The following INPP5B variants were observed in gnomAD, a reference collection of about 807,000 sequenced individuals.
The protein encoded by INPP5B is type II inositol 1,4,5-trisphosphate 5-phosphatase.
A neutral mutation model predicts 118.5 loss-of-function variants in INPP5B; 90 were observed. The ratio of observed to expected loss-of-function variants is 0.76; its 90% CI spans 0.64 to 0.90. INPP5B has a LOEUF of 0.90. Ranked by LOEUF, INPP5B falls within the 40% of genes least tolerant of loss-of-function variation. The pLI is 0.00. For synonymous variants in INPP5B, 385 were observed against 418.9 expected, an observed-to-expected ratio of 0.92 and a Z score of 0.99; for missense variants, 984 against 1,125.6, an observed-to-expected ratio of 0.87 and a Z score of 1.80.
rs773743226 is a variant in INPP5B, at chr1:37,889,568, G to A, written c.786C>T (p.Ile262=). The stretch of plus-strand genomic sequence containing the variant: ...ACCCAGTTAGCTACCTGAAGTTCTG[G>A]ATATAGGTGTAATCCTCTTCTTTCT... ...LLQKEEDYTY[I]QNFRFFAGTY... The change falls in exon 9 of 24, where the codon ATC becomes ATT. Residue 262 remains isoleucine (I), a synonymous_variant. Transcript: ENST00000373024. 5.0e-6 allele frequency: 8 copies of A among 1,612,398 alleles called. No homozygotes were observed. Among genetic ancestry groups the A allele is most frequent in the East Asian group, 2.2e-5 (1 of 44,846 alleles).
intron 21 of INPP5B, 51 bp downstream of exon 21, chr1:37,866,398 TCTCTCTCTCA>T (rs1362459681): frequency 1.1e-5 from 8 of 724,282 alleles, no homozygotes; most frequent in African/African-American, 4.6e-5. Flanking sequence ...TCTCTCTCTC[TCTCTCTCTCA>T]CACACACACA....
At chr1:37,879,495 A>G (rs1643062684) in intron 15 of INPP5B, among the ~76,000 whole-genome samples, 1 of 152,022 alleles carries the variant, frequency 6.6e-6, no homozygotes, top group Admixed American at 6.6e-5. Flanking sequence ...GCACATGGTA[A>G]GCACTAATAA....
At position 37,893,085 on chromosome 1, in the gene INPP5B, C is replaced by CTTTT. The variant is rs71053999; in HGVS notation, c.533-1635_533-1632dup. 8.0e-4 allele frequency among the ~76,000 whole-genome samples: 65 copies of CTTTT among 81,416 alleles called. 1 individual carries two copies. The highest frequency in any genetic ancestry group is 3.0e-3 in the African/African-American group (50 of 16,738). The allele number at this position is 81,416 out of a possible 152,430, so 53.4% of individuals were successfully genotyped here. On this transcript the variant is annotated intron_variant, in intron 7 of 23. Transcript: ENST00000373024. ...TATGTTTTTTTATTATTTTCTTTTT[C>CTTTT]TTTTTTTTTTTTTTTTTTTTTTTTT...
rs1260112305 is a variant in INPP5B at position 37,878,176 on chromosome 1, G to C, written c.1677+12C>G. 1 of 1,613,726 alleles carries C rather than the reference G, an allele frequency of 6.2e-7. No homozygotes were observed. The highest frequency in any genetic ancestry group is 8.5e-7 in the Non-Finnish European group (1 of 1,179,752). On this transcript the variant is annotated intron_variant, in intron 16 of 23. Coordinates refer to ENST00000373024, the MANE Select transcript of INPP5B (RefSeq NM_005540.3). ...TCCAGAATGATTACAACAGGTACCAGCTGCCACCTACCCCGATGTCAAACA... is the reference window on the plus strand; with the variant it reads ...TCCAGAATGATTACAACAGGTACCACCTGCCACCTACCCCGATGTCAAACA...
At chr1:37,932,969 A>G (rs879522620) in intron 6 of INPP5B, among the ~76,000 whole-genome samples, 3 of 152,136 alleles carry the variant, frequency 2.0e-5, no homozygotes, top group Non-Finnish European at 4.4e-5. Flanking sequence ...GACTCAAACT[A>G]TCTGACTCTG....
intron 7 of INPP5B, among the ~76,000 whole-genome samples, chr1:37,894,052 G>C (rs572145245): frequency 6.6e-6 from 1 of 152,326 alleles, no homozygotes; most frequent in South Asian, 2.1e-4. Context: ...GAGTGTGGCT[G>C]CATTCTAACG....
chr1:37,939,455 T>TG (rs1645830524), intron 6 of INPP5B, among the ~76,000 whole-genome samples: 1 of 150,502 alleles, frequency 6.6e-6, no homozygotes, highest in Non-Finnish European at 1.5e-5. Flanking sequence ...GTTTTTGTTT[T>TG]TTTTTTTTGA....
intron 19 of INPP5B, among the ~76,000 whole-genome samples, chr1:37,870,239 A>T (rs960645583): frequency 6.6e-6 from 1 of 151,850 alleles, no homozygotes; most frequent in African/African-American, 2.4e-5. Context: ...CTTCCCAAGT[A>T]GCTAGGACTA....
intron 14 of INPP5B, among the ~76,000 whole-genome samples, chr1:37,882,170 GAAC>G (rs938441961): frequency 2.6e-5 from 4 of 151,590 alleles, no homozygotes; most frequent in African/African-American, 4.8e-5. Context: ...GGAGGATATA[GAAC>G]AACAACAACA....
chr1:37,928,316 G>A lies in INPP5B; in HGVS notation c.532+3597C>T, dbSNP rs181810521. On this transcript the variant is annotated intron_variant, in intron 7 of 23. Coordinates refer to ENST00000373024, the MANE Select transcript of INPP5B (RefSeq NM_005540.3). ...AGCCTCCCAAGTAGCAGGGATTACA[G>A]GTGCCTGCCACCATGCTCAGCTAAG... 7.1e-3 allele frequency among the ~76,000 whole-genome samples: 1,084 copies of A among 152,060 alleles called. 7 individuals are homozygous for A. Among genetic ancestry groups the A allele is most frequent in the Non-Finnish European group, 0.011 (721 of 67,972 alleles).
chr1:37,917,482 C>T (rs1221463549), intron 7 of INPP5B, among the ~76,000 whole-genome samples: 1 of 151,038 alleles, frequency 6.6e-6, no homozygotes, highest in East Asian at 2.0e-4. Context: ...CGCCACCACA[C>T]CCGGATAATT....
At chr1:37,915,784 A>G (rs1186093376) in intron 7 of INPP5B, among the ~76,000 whole-genome samples, 1 of 152,148 alleles carries the variant, frequency 6.6e-6, no homozygotes, top group Non-Finnish European at 1.5e-5. Flanking sequence ...CTATAATAAC[A>G]TGTTTTTTGT....
chr1:37,870,752 C>T (rs1157019367), intron 19 of INPP5B: 2 of 152,248 alleles, frequency 1.3e-5, no homozygotes, highest in Non-Finnish European at 2.9e-5. Context: ...TGTTGATAAA[C>T]CACCCAGTCT....
intron 6 of INPP5B, among the ~76,000 whole-genome samples, chr1:37,937,859 T>A (rs1241939449): frequency 6.6e-6 from 1 of 151,450 alleles, no homozygotes; most frequent in African/African-American, 2.4e-5. Flanking sequence ...TCCTAGCTAC[T>A]TGGGAGGCTG....
chr1:37,889,781 T>G, intron 8 of INPP5B, 57 bp from the exon 9 acceptor site: 1 of 1,374,224 alleles, frequency 7.3e-7, no homozygotes, highest in Non-Finnish European at 1.0e-6. Context: ...GCAAAATGAA[T>G]GAATACAAAG....
At chr1:37,940,079 G>A (rs1338795184) in intron 6 of INPP5B, among the ~76,000 whole-genome samples, 1 of 152,064 alleles carries the variant, frequency 6.6e-6, no homozygotes, top group Non-Finnish European at 1.5e-5. Context: ...CTTGAAAGAA[G>A]ACAGCTAAAA....
rs189033468 is a variant in INPP5B, at chr1:37,872,620, G to C, written c.2187+310C>G. On this transcript the variant is annotated intron_variant, in intron 19 of 23. Coordinates refer to ENST00000373024, the MANE Select transcript of INPP5B (RefSeq NM_005540.3). ...GAAAAGCTAACACCAAGACATGTGA[G>C]AGAGGCCATCTGGAGCCCTCCGGCC... Among the ~76,000 whole-genome samples, 289 of 151,640 alleles carry C rather than the reference G, an allele frequency of 1.9e-3. 2 individuals are homozygous for C. The highest frequency in any genetic ancestry group is 3.4e-3 in the Middle Eastern group (1 of 294).
At chr1:37,880,479 C>T (rs1643130662) in intron 14 of INPP5B, among the ~76,000 whole-genome samples, 1 of 150,556 alleles carries the variant, frequency 6.6e-6, no homozygotes, top group South Asian at 2.1e-4. Flanking sequence ...GCTCTGTCAC[C>T]CAGGCTGGAG....
intron 9 of INPP5B, among the ~76,000 whole-genome samples, chr1:37,889,064 G>A (rs1337245606): frequency 6.6e-6 from 1 of 152,068 alleles, no homozygotes; most frequent in African/African-American, 2.4e-5. Flanking sequence ...ACCCATGTGG[G>A]CAACACAGTG....
Sources: gnomAD v4.1 joint callset for allele counts (sites outside exome capture counted in the v4.1 genomes callset) on GRCh38, gnomAD v4.1.1 for gene constraint, MANE v1.5 for transcripts, NCBI Gene and HGNC (gene_info 2026-07-23, HGNC 2026-07-21) for gene names.